EIF2S2: variants seen among roughly 807,000 people sequenced by gnomAD.
The protein encoded by EIF2S2 is eukaryotic translation initiation factor 2 subunit 2.
A neutral mutation model predicts 44.0 loss-of-function variants in EIF2S2; 4 were observed. The observed-to-expected ratio is 0.09, with a 90% CI of 0.04 to 0.21. The LOEUF is 0.21. EIF2S2 is among the 10% of genes least tolerant of loss of function. The pLI is 1.00. For synonymous variants in EIF2S2, 108 were observed against 128.3 expected, an observed-to-expected ratio of 0.84 and a Z score of 1.07; for missense variants, 154 against 392.0, an observed-to-expected ratio of 0.39 and a Z score of 5.13.
chr20:34,108,972 A>T (rs1193394229), intron 1 of EIF2S2, among the ~76,000 whole-genome samples: 4 of 148,006 alleles, frequency 2.7e-5, no homozygotes, highest in Non-Finnish European at 5.9e-5. Flanking sequence ...GAGTCTCACT[A>T]TGTTGCCCAG....
In EIF2S2 at chr20:34,097,508, C is replaced by T. The variant is rs2034243973; in HGVS notation, c.442G>A (p.Asp148Asn). The change falls in exon 5 of 9, where the codon GAT becomes AAT. Residue 148 changes from aspartate (D) to asparagine (N), a missense_variant. Coordinates refer to ENST00000374980, the MANE Select transcript of EIF2S2 (RefSeq NM_003908.5). The part of the protein sequence containing the change: ...EILEKDEALE[D>N]EDNKKDDGIS... ...CCATCATCTTTTTTGTTGTCTTCAT[C>T]TTCTAGAGCTACAGATAAAAAAGAT... 3 of 1,612,732 alleles carry T rather than the reference C, an allele frequency of 1.9e-6. No homozygotes were observed. Among genetic ancestry groups the T allele is most frequent in the Non-Finnish European group, 2.5e-6 (3 of 1,179,864 alleles).
chr20:34,101,312 G>A (rs575198031), intron 3 of EIF2S2, among the ~76,000 whole-genome samples: 38 of 152,246 alleles, frequency 2.5e-4, no homozygotes, highest in Admixed American at 2.3e-3. Flanking sequence ...GCGTGGTGGC[G>A]GGTGCCTGTA....
chr20:34,097,333 G>A (rs1167419306), intron 5 of EIF2S2, 83 bp downstream of exon 5: 6 of 1,176,224 alleles, frequency 5.1e-6, no homozygotes, highest in African/African-American at 4.6e-5. Flanking sequence ...TTACTTCAAC[G>A]GCCGTTCCAA....
At position 34,098,678 on chromosome 20, in the gene EIF2S2, CT is replaced by C. The variant is rs552339198; in HGVS notation, c.298-46del. ...CTGAACATTTGATACTGGGACTATTCTTTTTTATTTATTTTATTACATTTTC... is the reference window on the plus strand; with the variant it reads ...CTGAACATTTGATACTGGGACTATTCTTTTTATTTATTTTATTACATTTTC... On this transcript the variant is annotated intron_variant, in intron 3 of 8. Transcript: ENST00000374980. 668 of 1,581,178 alleles carry C rather than the reference CT, an allele frequency of 4.2e-4. 23 individuals are homozygous for C. The South Asian group carries it at 7.4e-3, about 18-fold the overall frequency.
intron 1 of EIF2S2, 40 bp from the exon 2 acceptor site, chr20:34,105,585 G>A (rs767944440): frequency 1.5e-5 from 23 of 1,485,404 alleles, no homozygotes; most frequent in Admixed American, 2.4e-5. Context: ...CCAAATGATT[G>A]TTTTTAATGA....
intron 1 of EIF2S2, among the ~76,000 whole-genome samples, chr20:34,105,811 T>G (rs1192249107): frequency 6.6e-6 from 1 of 152,228 alleles, no homozygotes; most frequent in Non-Finnish European, 1.5e-5. Context: ...TGAGCAAATT[T>G]GGACATTTGA....
chr20:34,102,106 A>C (rs2034302226), intron 3 of EIF2S2, among the ~76,000 whole-genome samples: 1 of 152,146 alleles, frequency 6.6e-6, no homozygotes, highest in Non-Finnish European at 1.5e-5. Flanking sequence ...GGATACCTCT[A>C]ACATCCTCTT....
intron 5 of EIF2S2, 31 bp from the exon 6 acceptor site, chr20:34,096,836 G>A (rs774849412): frequency 1.4e-5 from 22 of 1,590,244 alleles, no homozygotes; most frequent in African/African-American, 2.7e-5. Context: ...TCATGAATAC[G>A]CTTAGTAACT....
In EIF2S2 at chr20:34,112,163, C is replaced by T. The variant is rs529200317; in HGVS notation, c.-53G>A. 8.6e-6 allele frequency: 13 copies of T among 1,506,182 alleles called. No individual in the cohort carries two copies. The Admixed American group carries it at 2.8e-4, about 32-fold the overall frequency. 93.3% of individuals were successfully genotyped at this position (1,506,182 alleles called of 1,614,324 possible). ...GACGGGAAGTCAGACGGGTCAGCCC[C>T]AGGCCCCGGCGGCAGCGCTGCCCCT... is the stretch of plus-strand genomic sequence containing the variant. On this transcript the variant is annotated 5_prime_UTR_variant, in exon 1 of 9. Coordinates refer to ENST00000374980, the MANE Select transcript of EIF2S2 (RefSeq NM_003908.5).
chr20:34,093,906 G>A (rs895758156), intron 6 of EIF2S2, among the ~76,000 whole-genome samples, 175 bp from the exon 7 acceptor site: 1 of 151,976 alleles, frequency 6.6e-6, no homozygotes, highest in Non-Finnish European at 1.5e-5. Context: ...TTTTTTTATT[G>A]TTAAGAGACA....
intron 3 of EIF2S2, among the ~76,000 whole-genome samples, chr20:34,102,081 C>T (rs1288778915): frequency 6.6e-6 from 1 of 152,152 alleles, no homozygotes; most frequent in African/African-American, 2.4e-5. Context: ...ATGTCCGTGC[C>T]TTGCCTGATG....
chr20:34,091,177 C>T (rs559385814), intron 7 of EIF2S2, among the ~76,000 whole-genome samples: 2 of 152,268 alleles, frequency 1.3e-5, no homozygotes, highest in South Asian at 2.1e-4. Flanking sequence ...CAAACTGATT[C>T]CTTCATTGTA....
intron 3 of EIF2S2, among the ~76,000 whole-genome samples, chr20:34,101,573 C>T (rs2034295544): frequency 6.6e-6 from 1 of 152,062 alleles, no homozygotes; most frequent in Non-Finnish European, 1.5e-5. Flanking sequence ...ATACACTAGC[C>T]AACTTCTAGT....
In EIF2S2 at chr20:34,111,816, C is replaced by T. The variant is rs1229402666; in HGVS notation, c.15+280G>A. 3.3e-5 allele frequency among the ~76,000 whole-genome samples: 5 copies of T among 152,350 alleles called. No individual in the cohort carries two copies. In the East Asian group the frequency reaches 7.7e-4, roughly 24 times the overall value. On this transcript the variant is annotated intron_variant, in intron 1 of 8. Transcript: ENST00000374980. The stretch of plus-strand genomic sequence containing the variant: ...CGTTCGGGGTTATTAACCGGGCATT[C>T]GAGCCCCTTCCGGGAGGACGACTCA...
chr20:34,102,480 A>C (rs2034305383), intron 3 of EIF2S2, among the ~76,000 whole-genome samples: 1 of 152,236 alleles, frequency 6.6e-6, no homozygotes. Context: ...ATACTTCAAA[A>C]GCTTGACTTG....
intron 3 of EIF2S2, among the ~76,000 whole-genome samples, 158 bp downstream of exon 3, chr20:34,103,304 A>C (rs1568717441): frequency 6.6e-6 from 1 of 152,222 alleles, no homozygotes; most frequent in Non-Finnish European, 1.5e-5. Context: ...TAAGATACCT[A>C]GTCAGACACA....
intron 1 of EIF2S2, 92 bp from the exon 2 acceptor site, chr20:34,105,637 C>T (rs2034340992): frequency 2.8e-5 from 34 of 1,230,616 alleles, no homozygotes; most frequent in Non-Finnish European, 3.7e-5. Flanking sequence ...AAGGCATACT[C>T]TTAAAAGAGT....
At chr20:34,103,850 G>A (rs1041655190) in intron 2 of EIF2S2, among the ~76,000 whole-genome samples, 1 of 152,080 alleles carries the variant, frequency 6.6e-6, no homozygotes, top group African/African-American at 2.4e-5. Flanking sequence ...AGGACTACAT[G>A]CATGTGCCAC....
At chr20:34,089,996 C>T in intron 8 of EIF2S2, 91 bp from the exon 9 acceptor site, 1 of 1,398,404 alleles carries the variant, frequency 7.2e-7, no homozygotes, top group Non-Finnish European at 9.9e-7. Flanking sequence ...AAGAACTCCA[C>T]AAGCCCAGGC....
Sources: allele counts gnomAD v4.1 joint callset (sites outside exome capture counted in the v4.1 genomes callset), GRCh38; gene constraint gnomAD v4.1.1; transcripts MANE v1.5; gene names NCBI Gene and HGNC (gene_info 2026-07-23, HGNC 2026-07-21).